The following SLC6A2 variants were observed in gnomAD, a reference collection of about 807,000 sequenced individuals.
The protein encoded by SLC6A2 is sodium-dependent noradrenaline transporter.
In SLC6A2, 26 loss-of-function variants were observed where a neutral mutation model predicts 71.7. The ratio of observed to expected loss-of-function variants is 0.36; its 90% CI spans 0.27 to 0.50. The LOEUF is 0.50. SLC6A2 is among the 20% of genes least tolerant of loss of function. The probability of loss-of-function intolerance (pLI) is 0.96; values close to 1 mark genes in which losing one functional copy is unlikely to be tolerated. For synonymous variants in SLC6A2, 363 were observed against 337.9 expected, an observed-to-expected ratio of 1.07 and a Z score of -0.82; for missense variants, 581 against 803.9, an observed-to-expected ratio of 0.72 and a Z score of 3.35.
intron 3 of SLC6A2, among the ~76,000 whole-genome samples, chr16:55,671,468 G>A (rs1346890854): frequency 1.3e-5 from 2 of 152,154 alleles, no homozygotes; most frequent in African/African-American, 4.8e-5. Context: ...TCAATCCCCG[G>A]GCCACGGACC....
chr16:55,691,254 AG>A (rs1965616657), intron 5 of SLC6A2, among the ~76,000 whole-genome samples: 2 of 143,078 alleles, frequency 1.4e-5, no homozygotes, highest in Admixed American at 6.9e-5. Context: ...AGAGAGAGAG[AG>A]AGAGAGAGAG....
In SLC6A2 at chr16:55,694,075, A is replaced by G; in HGVS notation, c.984A>G (p.Ala328=). 1 of 1,613,136 alleles carries G rather than the reference A, an allele frequency of 6.2e-7. No individual in the cohort carries two copies. The highest frequency in any genetic ancestry group is 8.5e-7 in the Non-Finnish European group (1 of 1,179,090). Residue 328 remains alanine, a synonymous_variant, in exon 7 of 15, where the codon GCA becomes GCG. Transcript: ENST00000568943. ...SLGAGFGVLI[A]FASYNKFDNN... is the part of the protein sequence containing the mutation. ...GGGCTGGATTTGGAGTATTGATTGC[A>G]TTTGCCAGTTACAACAAATTTGACA... is the stretch of plus-strand genomic sequence containing the variant.
chr16:55,690,051 A>C (rs1567450070), intron 5 of SLC6A2, among the ~76,000 whole-genome samples: 3 of 152,136 alleles, frequency 2.0e-5, no homozygotes, highest in African/African-American at 7.2e-5. Context: ...TTACCCACTC[A>C]TTCATCCATC....
chr16:55,671,635 G>A, intron 3 of SLC6A2: 2 of 555,346 alleles, frequency 3.6e-6, no homozygotes, highest in Middle Eastern at 4.7e-4. Context: ...TCATAGGAGC[G>A]CAACCCCTAC....
rs1042953481 is a variant in SLC6A2 at position 55,695,544 on chromosome 16, T to C, written c.1147+142T>C. On this transcript the variant is annotated intron_variant, in intron 8 of 14. Coordinates refer to ENST00000568943, the MANE Select transcript of SLC6A2 (RefSeq NM_001172501.3). Reference sequence around the variant, plus strand: ...TGTCCAAACCACCCATGTGATTGACTTTCCTTTGAGGTTATTAGTGGGCAT... The same window carrying C: ...TGTCCAAACCACCCATGTGATTGACCTTCCTTTGAGGTTATTAGTGGGCAT... 1.8e-5 allele frequency: 17 copies of C among 935,008 alleles called. No homozygotes were observed. The Admixed American group carries it at 2.2e-4, about 12-fold the overall frequency. 57.9% of individuals were successfully genotyped at this position (935,008 alleles called of 1,614,324 possible). A position where few individuals can be genotyped will look rare whatever the true frequency, so the allele number is the denominator to read the frequency against.
chr16:55,661,976 AG>A (rs1382182639), intron 2 of SLC6A2, among the ~76,000 whole-genome samples: 4 of 151,888 alleles, frequency 2.6e-5, no homozygotes, highest in African/African-American at 7.3e-5. Context: ...GCCTGGCTGC[AG>A]GGGGCTATCT....
At chr16:55,692,768 T>C (rs1378904814) in intron 6 of SLC6A2, among the ~76,000 whole-genome samples, 1 of 152,184 alleles carries the variant, frequency 6.6e-6, no homozygotes, top group East Asian at 1.9e-4. Flanking sequence ...ATAATAATCC[T>C]GGCAGGCCCC....
intron 13 of SLC6A2, among the ~76,000 whole-genome samples, chr16:55,700,694 C>G (rs1489165791): frequency 5.9e-5 from 9 of 152,170 alleles, no homozygotes; most frequent in African/African-American, 1.7e-4. Flanking sequence ...CTCTCCCCAT[C>G]CAAGCCCACT....
chr16:55,703,908 C>G lies in SLC6A2; in HGVS notation c.*1562C>G. 1.5e-6 allele frequency: 1 copy of G among 646,782 alleles called. No homozygotes were observed. The highest frequency in any genetic ancestry group is 1.9e-6 in the Non-Finnish European group (1 of 521,014). 40.1% of individuals were successfully genotyped at this position (646,782 alleles called of 1,614,324 possible). On this transcript the variant is annotated 3_prime_UTR_variant, in exon 15 of 15. Coordinates refer to ENST00000568943, the MANE Select transcript of SLC6A2 (RefSeq NM_001172501.3). ...TTTGTCTCCCAGGGTCCTGAGGTTTCCTTGCTGGGTCGGGGTCCTCAGGTC... is the reference window on the plus strand; with the variant it reads ...TTTGTCTCCCAGGGTCCTGAGGTTTGCTTGCTGGGTCGGGGTCCTCAGGTC...
rs1966081846 is a variant in SLC6A2 at position 55,705,481 on chromosome 16, G to GGT, written c.*3140_*3141dup. ...CCACCGAAGAGAGAAAAACAGAGAA[G>GGT]GTGTGTAGTGTGGCGGAAAAAGCAC... On this transcript the variant is annotated 3_prime_UTR_variant, in exon 15 of 15. Transcript: ENST00000568943. 1.1e-5 allele frequency: 6 copies of GGT among 527,144 alleles called. No homozygotes were observed. The South Asian group carries it at 1.9e-4, about 17-fold the overall frequency. 32.7% of individuals were successfully genotyped at this position (527,144 alleles called of 1,614,324 possible). A position where few individuals can be genotyped will look rare whatever the true frequency, so the allele number is the denominator to read the frequency against.
chr16:55,694,114 G>A lies in SLC6A2; in HGVS notation c.1022+1G>A, dbSNP rs779774522. 11 of 1,557,052 alleles carry A rather than the reference G, an allele frequency of 7.1e-6. No individual in the cohort carries two copies. Among genetic ancestry groups the A allele is most frequent in the Non-Finnish European group, 9.8e-6 (11 of 1,128,130 alleles). Reference sequence around the variant, plus strand: ...ACAAATTTGACAACAACTGTTACAGGTAAGATTCTTCTCAGAATTCTGAGA... The same window carrying A: ...ACAAATTTGACAACAACTGTTACAGATAAGATTCTTCTCAGAATTCTGAGA... On this transcript the variant is annotated splice_donor_variant, in intron 7 of 14. Transcript: ENST00000568943. LOFTEE classifies it high-confidence loss of function.
intron 2 of SLC6A2, 137 bp from the exon 3 acceptor site, chr16:55,669,428 T>C: frequency 1.3e-6 from 1 of 776,746 alleles, no homozygotes; most frequent in South Asian, 1.4e-5. Context: ...TGATAATTAG[T>C]ATTGATTGCT....
chr16:55,699,208 A>C (rs1324000258), intron 11 of SLC6A2, among the ~76,000 whole-genome samples: 1 of 152,142 alleles, frequency 6.6e-6, no homozygotes, highest in African/African-American at 2.4e-5. Flanking sequence ...TGCTGTATGC[A>C]TAGTTGTTGT....
At chr16:55,671,402 G>A (rs1964906107) in intron 3 of SLC6A2, among the ~76,000 whole-genome samples, 3 of 152,140 alleles carry the variant, frequency 2.0e-5, no homozygotes, top group Admixed American at 6.5e-5. Flanking sequence ...GAGAGCTCTC[G>A]GGCAAAGAGA....
At chr16:55,699,729 T>A in intron 12 of SLC6A2, 75 bp downstream of exon 12, 1 of 1,104,350 alleles carries the variant, frequency 9.1e-7, no homozygotes, top group Non-Finnish European at 1.4e-6. Context: ...TGAGGATATT[T>A]GCTTCTTAGG....
At chr16:55,699,970 T>A (rs1489951958) in intron 12 of SLC6A2, among the ~76,000 whole-genome samples, 169 bp from the exon 13 acceptor site, 1 of 152,156 alleles carries the variant, frequency 6.6e-6, no homozygotes, top group Admixed American at 6.5e-5. Context: ...AATTCTTTCT[T>A]ATTTCTCCAT....
chr16:55,662,516 C>T (rs567922001), intron 2 of SLC6A2, among the ~76,000 whole-genome samples: 7 of 152,218 alleles, frequency 4.6e-5, no homozygotes, highest in African/African-American at 7.2e-5. Context: ...GAGGTGAGGT[C>T]CTGCTCTGTT....
At position 55,703,873 on chromosome 16, in the gene SLC6A2, G is replaced by A; in HGVS notation, c.*1527G>A. 1.1e-6 allele frequency: 1 copy of A among 940,916 alleles called. No homozygotes were observed. The highest frequency in any genetic ancestry group is 1.3e-6 in the Non-Finnish European group (1 of 789,522). 58.3% of individuals were successfully genotyped at this position (940,916 alleles called of 1,614,324 possible). ...ATTATGAGGGGACCAGGGTGGGGCAGGGAGATGGTTTTGTCTCCCAGGGTC... is the reference window on the plus strand; with the variant it reads ...ATTATGAGGGGACCAGGGTGGGGCAAGGAGATGGTTTTGTCTCCCAGGGTC... On this transcript the variant is annotated 3_prime_UTR_variant, in exon 15 of 15. Transcript: ENST00000568943.
chr16:55,702,223 T>C (rs1965993681), intron 14 of SLC6A2, 100 bp from the exon 15 acceptor site: 1 of 1,180,066 alleles, frequency 8.5e-7, no homozygotes, highest in Non-Finnish European at 1.3e-6. Context: ...GAAGGGGGTG[T>C]TTTTCTGCCT....
Sources: gnomAD v4.1 joint callset for allele counts (sites outside exome capture counted in the v4.1 genomes callset) on GRCh38, gnomAD v4.1.1 for gene constraint, MANE v1.5 for transcripts, NCBI Gene and HGNC (gene_info 2026-07-23, HGNC 2026-07-21) for gene names.